Variants in ASB3 observed in about 807,000 individuals in gnomAD.
ASB3 encodes ankyrin repeat and SOCS box containing 3, also known as ankyrin repeat and SOCS box protein 3.
Under a neutral mutation model 54.5 loss-of-function variants are expected in ASB3, and 41 were observed. The observed-to-expected ratio is 0.75, with a 90% CI of 0.59 to 0.98. ASB3 has a LOEUF of 0.98. ASB3 is among the 50% of genes least tolerant of loss of function. The probability of loss-of-function intolerance (pLI) is 0.00; values close to 1 mark genes in which losing one functional copy is unlikely to be tolerated. For synonymous variants in ASB3, 266 were observed against 221.2 expected, an observed-to-expected ratio of 1.20 and a Z score of -1.80; for missense variants, 733 against 620.0, an observed-to-expected ratio of 1.18 and a Z score of -1.94.
intron 1 of ASB3, among the ~76,000 whole-genome samples, chr2:53,783,103 A>G (rs1674745497): frequency 6.6e-6 from 1 of 152,138 alleles, no homozygotes; most frequent in African/African-American, 2.4e-5. Context: ...TAAAAGCACA[A>G]CAGACAGAAA....
chr2:53,718,491 C>A (rs1316382058), intron 5 of ASB3, among the ~76,000 whole-genome samples: 1 of 152,108 alleles, frequency 6.6e-6, no homozygotes, highest in Non-Finnish European at 1.5e-5. Flanking sequence ...ACCACTAGAC[C>A]AGTCTTAGCA....
In ASB3 at chr2:53,714,600, A is replaced by G. The variant is rs201522734; in HGVS notation, c.783-19T>C. On this transcript the variant is annotated intron_variant, in intron 6 of 9. Coordinates refer to ENST00000263634, the MANE Select transcript of ASB3 (RefSeq NM_016115.5). ...CAAGATTCTATAAATACACAAATTC[A>G]GGAGAATTTAGTGTTTGTATATGTG... The G allele has an allele frequency of 2.4e-4, 383 of 1,611,422 alleles. No individual in the cohort carries two copies. The highest frequency in any genetic ancestry group is 3.0e-4 in the Non-Finnish European group (359 of 1,178,640).
chr2:53,753,589 A>C (rs1672650301), intron 2 of ASB3, among the ~76,000 whole-genome samples: 1 of 151,948 alleles, frequency 6.6e-6, no homozygotes, highest in African/African-American at 2.4e-5. Context: ...CTTAAAATCA[A>C]TGACAGTCCA....
intron 3 of ASB3, among the ~76,000 whole-genome samples, chr2:53,750,463 GT>G (rs911928491): frequency 6.6e-6 from 1 of 151,994 alleles, no homozygotes; most frequent in Non-Finnish European, 1.5e-5. Flanking sequence ...GCATTCACAG[GT>G]AACCTTGCAA....
intron 1 of ASB3, among the ~76,000 whole-genome samples, chr2:53,785,344 G>A (rs1273986118): frequency 1.3e-5 from 2 of 151,808 alleles, no homozygotes; most frequent in Admixed American, 1.3e-4. Flanking sequence ...GCTAAAACAG[G>A]ACCTCACAGA....
At chr2:53,768,852 C>T (rs1673687194) in intron 1 of ASB3, among the ~76,000 whole-genome samples, 1 of 152,150 alleles carries the variant, frequency 6.6e-6, no homozygotes, top group Non-Finnish European at 1.5e-5. Flanking sequence ...ACAACTAATC[C>T]ATAAAGAAAA....
intron 1 of ASB3, among the ~76,000 whole-genome samples, chr2:53,779,538 G>A (rs1674532923): frequency 6.6e-6 from 1 of 151,952 alleles, no homozygotes; most frequent in South Asian, 2.1e-4. Context: ...CCAGGCTCAA[G>A]CAATCCTCCC....
intron 1 of ASB3, among the ~76,000 whole-genome samples, chr2:53,775,791 G>C (rs544021498): frequency 6.6e-6 from 1 of 152,136 alleles, no homozygotes; most frequent in South Asian, 2.1e-4. Context: ...TTTTTTATTT[G>C]TACAAATTTA....
Position 53,776,216 on chromosome 2 carries a change from G to C in ASB3, c.-14+10605C>G, listed in dbSNP as rs553169011. ...TATTAACATCTTAGTAATTTACTCAGCTACATATCTACTTTAAATATCTTC... is the reference window on the plus strand; with the variant it reads ...TATTAACATCTTAGTAATTTACTCACCTACATATCTACTTTAAATATCTTC... On this transcript the variant is annotated intron_variant, in intron 1 of 9. Coordinates refer to ENST00000263634, the MANE Select transcript of ASB3 (RefSeq NM_016115.5). Among the ~76,000 whole-genome samples, 4 of 152,232 alleles carry C rather than the reference G, an allele frequency of 2.6e-5. No individual in the cohort carries two copies. The South Asian group carries it at 8.3e-4, about 32-fold the overall frequency.
At chr2:53,739,085 G>A (rs1035107668) in intron 3 of ASB3, among the ~76,000 whole-genome samples, 11 of 152,204 alleles carry the variant, frequency 7.2e-5, no homozygotes, top group Admixed American at 6.5e-4. Context: ...AAAATGGCAT[G>A]AGAACATATC....
chr2:53,693,840 G>A lies in ASB3; in HGVS notation c.1369+44C>T, dbSNP rs1207363997. ...TTACAACACAGCTAGAGAAGCAAGA[G>A]AAGGAAAAGTAGTGAAGTGTGTTTA... On this transcript the variant is annotated intron_variant, in intron 9 of 9. Transcript: ENST00000263634. 6.3e-6 allele frequency: 10 copies of A among 1,584,266 alleles called. No homozygotes were observed. The East Asian group carries it at 2.3e-4, about 36-fold the overall frequency.
intron 3 of ASB3, among the ~76,000 whole-genome samples, chr2:53,735,178 C>T (rs1022606201): frequency 2.0e-5 from 3 of 152,020 alleles, no homozygotes; most frequent in African/African-American, 7.2e-5. Flanking sequence ...CCTCGGCCTC[C>T]CAAAGTGCTG....
rs1403957825 is a variant in ASB3 at position 53,783,525 on chromosome 2, TG to T, written c.-14+3295del. ...TTCATAGAGTGCCAAGAAGGATGAATGAAAAAAGATTCACCACCTAGAAACA... is the reference window on the plus strand; with the variant it reads ...TTCATAGAGTGCCAAGAAGGATGAATAAAAAAGATTCACCACCTAGAAACA... On this transcript the variant is annotated intron_variant, in intron 1 of 9. Coordinates refer to ENST00000263634, the MANE Select transcript of ASB3 (RefSeq NM_016115.5). Among the ~76,000 whole-genome samples, 13 of 151,594 alleles carry T rather than the reference TG, an allele frequency of 8.6e-5. No homozygotes were observed. In the East Asian group the frequency reaches 2.5e-3, roughly 29 times the overall value.
At chr2:53,671,354 G>A (rs1464615762) in intron 9 of ASB3, among the ~76,000 whole-genome samples, 1 of 6,836 alleles carries the variant, frequency 1.5e-4, no homozygotes, top group African/African-American at 6.0e-4. Flanking sequence ...AACCCAAAGC[G>A]TGTGTGTGTG....
chr2:53,761,547 C>G (rs1372391855), intron 2 of ASB3, among the ~76,000 whole-genome samples: 1 of 152,158 alleles, frequency 6.6e-6, no homozygotes, highest in African/African-American at 2.4e-5. Context: ...ATACCAGTGG[C>G]CTCCCACACC....
chr2:53,734,742 T>G lies in ASB3; in HGVS notation c.356-5172A>C, dbSNP rs889886694. On this transcript the variant is annotated intron_variant, in intron 3 of 9. Coordinates refer to ENST00000263634, the MANE Select transcript of ASB3 (RefSeq NM_016115.5). ...CCTCTGGCATTAAATTCCCCATATTTCTCTAACATAAACTTTTTTCTCCAT... is the reference window on the plus strand; with the variant it reads ...CCTCTGGCATTAAATTCCCCATATTGCTCTAACATAAACTTTTTTCTCCAT... Among the ~76,000 whole-genome samples the G allele has an allele frequency of 8.5e-5, 13 of 152,276 alleles. No individual in the cohort carries two copies. The East Asian group carries it at 2.3e-3, about 27-fold the overall frequency.
At chr2:53,753,483 T>C (rs1294055223) in intron 2 of ASB3, among the ~76,000 whole-genome samples, 2 of 152,170 alleles carry the variant, frequency 1.3e-5, no homozygotes, top group Non-Finnish European at 2.9e-5. Context: ...TAGCTTAATA[T>C]AGATACAGAT....
chr2:53,723,637 G>A (rs906723855), intron 5 of ASB3, among the ~76,000 whole-genome samples: 1 of 152,082 alleles, frequency 6.6e-6, no homozygotes, highest in African/African-American at 2.4e-5. Context: ...GCAATACCAA[G>A]CAAAAAGAAT....
In ASB3 at chr2:53,753,160, T is replaced by C. The variant is rs184078732; in HGVS notation, c.197-2219A>G. Among the ~76,000 whole-genome samples the C allele has an allele frequency of 1.3e-4, 20 of 152,086 alleles. No homozygotes were observed. In the East Asian group the frequency reaches 1.4e-3, roughly 10 times the overall value. ...TATATGTCATAACCACACTGAGAGA[T>C]AGAGAAAAAAGACACTGGTCTACAT... On this transcript the variant is annotated intron_variant, in intron 2 of 9. Transcript: ENST00000263634.
Sources: gnomAD v4.1 joint callset for allele counts (sites outside exome capture counted in the v4.1 genomes callset) on GRCh38, gnomAD v4.1.1 for gene constraint, MANE v1.5 for transcripts, NCBI Gene and HGNC (gene_info 2026-07-23, HGNC 2026-07-21) for gene names.